The following KCNQ3 variants were observed in gnomAD, a reference collection of about 807,000 sequenced individuals.
KCNQ3 encodes the protein potassium voltage-gated channel subfamily KQT member 3.
Under a neutral mutation model 92.5 loss-of-function variants are expected in KCNQ3, and 30 were observed. The observed-to-expected ratio is 0.32, with a 90% CI of 0.24 to 0.44. The LOEUF (loss-of-function observed/expected upper bound fraction) is 0.44, where lower values mean the gene tolerates loss of function less well. KCNQ3 is among the 20% of genes least tolerant of loss of function. The pLI is 1.00. For synonymous variants in KCNQ3, 450 were observed against 468.8 expected, an observed-to-expected ratio of 0.96 and a Z score of 0.52; for missense variants, 913 against 1,140.3, an observed-to-expected ratio of 0.80 and a Z score of 2.87.
At chr8:132,307,533 C>T (rs1380210491) in intron 1 of KCNQ3, among the ~76,000 whole-genome samples, 1 of 152,202 alleles carries the variant, frequency 6.6e-6, no homozygotes, top group Non-Finnish European at 1.5e-5. Flanking sequence ...TTTATCATTT[C>T]ATCTTTAAAA....
intron 1 of KCNQ3, among the ~76,000 whole-genome samples, chr8:132,364,092 C>G (rs1296479005): frequency 3.3e-5 from 5 of 152,080 alleles, no homozygotes; most frequent in Non-Finnish European, 7.3e-5. Flanking sequence ...GTTTCAACTC[C>G]TCAATCCATC....
intron 1 of KCNQ3, among the ~76,000 whole-genome samples, chr8:132,410,926 C>T (rs1030661837): frequency 6.6e-6 from 1 of 152,186 alleles, no homozygotes; most frequent in African/African-American, 2.4e-5. Context: ...CATCTCTGAC[C>T]TCACCGTACA....
chr8:132,326,956 T>C (rs1038530833), intron 1 of KCNQ3, among the ~76,000 whole-genome samples: 1 of 152,250 alleles, frequency 6.6e-6, no homozygotes, highest in Non-Finnish European at 1.5e-5. Flanking sequence ...TGTTTCATTT[T>C]CCACCCTAAC....
rs1864769 is a variant in KCNQ3 at position 132,140,873 on chromosome 8, T to C, written c.1465+256A>G. On this transcript the variant is annotated intron_variant, in intron 10 of 14. Coordinates refer to ENST00000388996, the MANE Select transcript of KCNQ3 (RefSeq NM_004519.4). Reference sequence around the variant, plus strand: ...GGGGCGGGGGGTCGGGGCGGACCCTTAGAAACCAAGGTGACAGGTTTCCAG... The same window carrying C: ...GGGGCGGGGGGTCGGGGCGGACCCTCAGAAACCAAGGTGACAGGTTTCCAG... 0.36 allele frequency: 186,189 copies of C among 524,180 alleles called. 34,225 individuals carry two copies. Among genetic ancestry groups the C allele is most frequent in the African/African-American group, 0.43 (22,312 of 52,176 alleles). The allele number at this position is 524,180 out of a possible 1,614,324, so 32.5% of individuals were successfully genotyped here. A position where few individuals can be genotyped will look rare whatever the true frequency, so the allele number is the denominator to read the frequency against.
chr8:132,140,339 G>C, intron 10 of KCNQ3, 161 bp from the exon 11 acceptor site: 1 of 593,994 alleles, frequency 1.7e-6, no homozygotes, highest in Non-Finnish European at 3.0e-6. Flanking sequence ...CTGTGATGCT[G>C]TTCAGCCTTT....
Position 132,126,255 on chromosome 8 carries a change from G to A in KCNQ3, c.*3007C>T, listed in dbSNP as rs1280912935. The A allele has an allele frequency of 2.0e-5, 3 of 152,116 alleles. No homozygotes were observed. Among genetic ancestry groups the A allele is most frequent in the African/African-American group, 7.2e-5 (3 of 41,414 alleles). The allele number at this position is 152,116 out of a possible 1,614,324, so 9.4% of individuals were successfully genotyped here. ...TATATCTGTGGTCATGTCATCTTGGGTCATGTTAACCAGTTCCATTGGATT... is the reference window on the plus strand; with the variant it reads ...TATATCTGTGGTCATGTCATCTTGGATCATGTTAACCAGTTCCATTGGATT... On this transcript the variant is annotated 3_prime_UTR_variant, in exon 15 of 15. Coordinates refer to ENST00000388996, the MANE Select transcript of KCNQ3 (RefSeq NM_004519.4).
At chr8:132,345,088 T>C (rs1289423770) in intron 1 of KCNQ3, among the ~76,000 whole-genome samples, 1 of 152,178 alleles carries the variant, frequency 6.6e-6, no homozygotes, top group East Asian at 1.9e-4. Flanking sequence ...TGCTGAGGGA[T>C]TTTAAGTGAA....
At chr8:132,357,952 CCCAT>C (rs1320966319) in intron 1 of KCNQ3, among the ~76,000 whole-genome samples, 4 of 152,204 alleles carry the variant, frequency 2.6e-5, no homozygotes, top group Non-Finnish European at 4.4e-5. Context: ...TAGTTTCATT[CCCAT>C]CCATCAAACT....
rs531188523 is a variant in KCNQ3 at position 132,428,483 on chromosome 8, TAGTC to T, written c.386+51660_386+51663del. 4.0e-3 allele frequency among the ~76,000 whole-genome samples: 614 copies of T among 152,230 alleles called. 5 individuals are homozygous for T. The highest frequency in any genetic ancestry group is 6.4e-3 in the Non-Finnish European group (436 of 68,028). ...GTCCCTGGAAGCAGCACATAGAAATTAGTCAGTATTCTCTCCTTGCCCCCAGAAC... is the reference window on the plus strand; with the variant it reads ...GTCCCTGGAAGCAGCACATAGAAATTAGTATTCTCTCCTTGCCCCCAGAAC... On this transcript the variant is annotated intron_variant, in intron 1 of 14. Coordinates refer to ENST00000388996, the MANE Select transcript of KCNQ3 (RefSeq NM_004519.4).
intron 1 of KCNQ3, among the ~76,000 whole-genome samples, chr8:132,459,456 G>A (rs1385389081): frequency 6.6e-6 from 1 of 152,138 alleles, no homozygotes; most frequent in Non-Finnish European, 1.5e-5. Context: ...GGATAAGAGA[G>A]GAAGCAAGGC....
At chr8:132,281,699 G>A (rs564089469) in intron 1 of KCNQ3, among the ~76,000 whole-genome samples, 1 of 151,664 alleles carries the variant, frequency 6.6e-6, no homozygotes, top group Admixed American at 6.6e-5. Context: ...CATGCCCACC[G>A]GCACCCCCAC....
Position 132,212,353 on chromosome 8 carries a change from C to T in KCNQ3, c.387-26172G>A, listed in dbSNP as rs576776611. On this transcript the variant is annotated intron_variant, in intron 1 of 14. Coordinates refer to ENST00000388996, the MANE Select transcript of KCNQ3 (RefSeq NM_004519.4). ...GGCACCTGTCTTTCCATAAATTCCC[C>T]TCAACTGTCCTTTTCTCTCCTCTGG... Among the ~76,000 whole-genome samples, 8 of 152,194 alleles carry T rather than the reference C, an allele frequency of 5.3e-5. No homozygotes were observed. The South Asian group carries it at 1.7e-3, about 32-fold the overall frequency.
chr8:132,333,327 T>C (rs1434907235), intron 1 of KCNQ3, among the ~76,000 whole-genome samples: 1 of 151,902 alleles, frequency 6.6e-6, no homozygotes, highest in Non-Finnish European at 1.5e-5. Flanking sequence ...AGAGAGAAAA[T>C]GAGCCTAGGT....
In KCNQ3 at chr8:132,479,646, C is replaced by CAT. The variant is rs200520725; in HGVS notation, c.386+500_386+501insAT. Among the ~76,000 whole-genome samples, 616 of 151,788 alleles carry CAT rather than the reference C, an allele frequency of 4.1e-3. 5 individuals carry two copies. The highest frequency in any genetic ancestry group is 0.014 in the African/African-American group (586 of 41,286). ...AGCAAGCGACACACACACACACACA[C>CAT]ACACACACACGCTCCCCACTATGGG... is the stretch of plus-strand genomic sequence containing the variant. On this transcript the variant is annotated intron_variant, in intron 1 of 14. Transcript: ENST00000388996.
At chr8:132,278,330 G>GA in intron 1 of KCNQ3, 1 of 465,080 alleles carries the variant, frequency 2.2e-6, no homozygotes, top group Non-Finnish European at 2.8e-6. Flanking sequence ...AAAATGAAAA[G>GA]AAAGAAACAA....
At position 132,232,928 on chromosome 8, in the gene KCNQ3, C is replaced by T. The variant is rs571400960; in HGVS notation, c.387-46747G>A. On this transcript the variant is annotated intron_variant, in intron 1 of 14. Transcript: ENST00000388996. ...CAGATGGATTAATGCACACAGATGC[C>T]GTGTTTTTATGATGATGAGGCAACT... 9.9e-5 allele frequency among the ~76,000 whole-genome samples: 15 copies of T among 152,196 alleles called. No homozygotes were observed. In the East Asian group the frequency reaches 2.5e-3, roughly 25 times the overall value.
chr8:132,442,556 A>G (rs1821565015), intron 1 of KCNQ3, among the ~76,000 whole-genome samples: 1 of 152,162 alleles, frequency 6.6e-6, no homozygotes, highest in African/African-American at 2.4e-5. Flanking sequence ...AACGGCTGCA[A>G]AGATGGACTC....
chr8:132,447,550 G>A (rs996229783), intron 1 of KCNQ3, among the ~76,000 whole-genome samples: 1 of 152,186 alleles, frequency 6.6e-6, no homozygotes, highest in African/African-American at 2.4e-5. Context: ...CAGAGTAGCG[G>A]GTGAGCTGGG....
intron 1 of KCNQ3, among the ~76,000 whole-genome samples, chr8:132,440,430 G>A (rs567862008): frequency 5.5e-4 from 84 of 152,268 alleles, no homozygotes; most frequent in Non-Finnish European, 9.6e-4. Context: ...CTAGAACGCA[G>A]CCCTGAGGGG....
Sources: gnomAD v4.1 joint callset for allele counts (sites outside exome capture counted in the v4.1 genomes callset) on GRCh38, gnomAD v4.1.1 for gene constraint, MANE v1.5 for transcripts, NCBI Gene and HGNC (gene_info 2026-07-23, HGNC 2026-07-21) for gene names.